Variants in ETFB observed in about 807,000 individuals in gnomAD.
The protein encoded by ETFB is beta-ETF.
A neutral mutation model predicts 25.6 loss-of-function variants in ETFB; 20 were observed. The ratio of observed to expected loss-of-function variants is 0.78; its 90% CI spans 0.55 to 1.14. The LOEUF is 1.14. Among genes scored for constraint, ETFB ranks in the 50% most tolerant of loss-of-function variants. The pLI, the probability that ETFB is intolerant of heterozygous loss-of-function variation, is 0.00. For synonymous variants in ETFB, 142 were observed against 146.7 expected (o/e 0.97, Z 0.23); for missense variants, 286 against 342.6 (o/e 0.83, Z 1.30).
At chr19:51,366,206 G>T in intron 1 of ETFB, 64 bp downstream of exon 1, 3 of 1,520,370 alleles carry the variant, frequency 2.0e-6, no homozygotes, top group African/African-American at 1.4e-5. Context: ...CCCAGTGTGC[G>T]CTCGTGGCCC....
intron 1 of ETFB, among the ~76,000 whole-genome samples, chr19:51,358,731 C>T (rs900286145): frequency 2.0e-5 from 3 of 152,078 alleles, no homozygotes; most frequent in Non-Finnish European, 4.4e-5. Flanking sequence ...ATTGCTTGAA[C>T]CCAGGAGGTG....
Position 51,353,294 on chromosome 19 carries a change from C to A in ETFB, c.217-4G>T, listed in dbSNP as rs149557388. On this transcript the variant is annotated splice_region_variant and splice_polypyrimidine_tract_variant and intron_variant, in intron 2 of 5. Coordinates refer to ENST00000309244, the MANE Select transcript of ETFB (RefSeq NM_001985.3). Reference sequence around the variant, plus strand: ...CCAGGGCGGTACGAATCGTCTCCTGCCAAGGACAGAGGGGCTTGACTTGGC... The same window carrying A: ...CCAGGGCGGTACGAATCGTCTCCTGACAAGGACAGAGGGGCTTGACTTGGC... The A allele has an allele frequency of 3.3e-4, 538 of 1,613,764 alleles. 15 individuals carry two copies. The East Asian group carries it at 0.01, about 30-fold the overall frequency.
At chr19:51,350,929 G>A (rs1004173612) in intron 3 of ETFB, among the ~76,000 whole-genome samples, 11 of 152,206 alleles carry the variant, frequency 7.2e-5, no homozygotes, top group African/African-American at 2.7e-4. Flanking sequence ...TTCCAATAAA[G>A]CTTTATTTAC....
chr19:51,352,615 T>TC, intron 3 of ETFB, among the ~76,000 whole-genome samples: 1 of 152,200 alleles, frequency 6.6e-6, no homozygotes, highest in South Asian at 2.1e-4. Flanking sequence ...GGATCTTTCT[T>TC]CTTTTTTTCT....
chr19:51,347,516 C>A (rs1014257741), intron 4 of ETFB: 3 of 196,298 alleles, frequency 1.5e-5, no homozygotes, highest in African/African-American at 7.0e-5. Flanking sequence ...TCCCAACGGC[C>A]CCCCGTGAGG....
chr19:51,359,580 GAC>G (rs142691724), intron 1 of ETFB, among the ~76,000 whole-genome samples: 1 of 150,552 alleles, frequency 6.6e-6, no homozygotes, highest in Non-Finnish European at 1.5e-5. Context: ...GAACTTTCCA[GAC>G]ACACACACAC....
At chr19:51,346,381 G>A (rs574612787) in intron 5 of ETFB, 1 of 166,916 alleles carries the variant, frequency 6.0e-6, no homozygotes, top group Non-Finnish European at 1.3e-5. Flanking sequence ...TGTTGGCTGA[G>A]ATGAATATTC....
intron 4 of ETFB, among the ~76,000 whole-genome samples, chr19:51,349,100 T>C (rs1487799844): frequency 6.6e-6 from 1 of 152,230 alleles, no homozygotes; most frequent in Non-Finnish European, 1.5e-5. Flanking sequence ...ATGGGATATT[T>C]AGCACTTTAT....
At position 51,354,254 on chromosome 19, in the gene ETFB, T is replaced by C. The variant is rs760800809; in HGVS notation, c.112A>G (p.Met38Val). Residue 38 changes from methionine (M) to valine (V), a missense_variant, in exon 2 of 6, where the codon ATG becomes GTG. Met to Val is a conservative substitution (Grantham distance 21, BLOSUM62 1). Transcript: ENST00000309244. The part of the protein sequence containing the change: ...GVVTDGVKHS[M>V]NPFCEIAVEE... ...ACCGCGATCTCACAGAAGGGGTTCA[T>C]GGAGTGCTTCACACCATCCGTGACC... 3.7e-6 allele frequency: 6 copies of C among 1,614,038 alleles called. No homozygotes were observed. Among genetic ancestry groups the C allele is most frequent in the Non-Finnish European group, 2.5e-6 (3 of 1,180,042 alleles).
intron 1 of ETFB, 56 bp downstream of exon 1, chr19:51,366,214 C>A: frequency 6.4e-7 from 1 of 1,554,458 alleles, no homozygotes; most frequent in Non-Finnish European, 8.9e-7. Flanking sequence ...GCGCTCGTGG[C>A]CCCGGAAGCA....
intron 1 of ETFB, among the ~76,000 whole-genome samples, chr19:51,360,397 T>C (rs1986190679): frequency 6.9e-6 from 1 of 145,444 alleles, no homozygotes; most frequent in Admixed American, 6.8e-5. Flanking sequence ...CCAGATTCTA[T>C]CTCAAAAAAA....
chr19:51,354,310 T>C lies in ETFB; in HGVS notation c.58-2A>G, dbSNP rs1189473901. 1 of 1,614,122 alleles carries C rather than the reference T, an allele frequency of 6.2e-7. No homozygotes were observed. The highest frequency in any genetic ancestry group is 2.2e-5 in the East Asian group (1 of 44,888). ...GGTCCTGTCAGGCTTCACTCGGATCTGCCCAGCAGGAGGGGAAGGGGTGGG... is the reference window on the plus strand; with the variant it reads ...GGTCCTGTCAGGCTTCACTCGGATCCGCCCAGCAGGAGGGGAAGGGGTGGG... On this transcript the variant is annotated splice_acceptor_variant, in intron 1 of 5. Coordinates refer to ENST00000309244, the MANE Select transcript of ETFB (RefSeq NM_001985.3). LOFTEE classifies it high-confidence loss of function.
chr19:51,361,621 A>G (rs1986229444), intron 1 of ETFB: 1 of 149,966 alleles, frequency 6.7e-6, no homozygotes, highest in Non-Finnish European at 1.5e-5. Context: ...CTGGGCCTGG[A>G]GTTTCTATCC....
At chr19:51,364,863 T>A (rs1986314612) in intron 1 of ETFB, among the ~76,000 whole-genome samples, 1 of 152,154 alleles carries the variant, frequency 6.6e-6, no homozygotes, top group African/African-American at 2.4e-5. Flanking sequence ...CTGACAGGCC[T>A]CAGTTTCCTC....
intron 1 of ETFB, chr19:51,356,047 CA>C (rs1986071781): frequency 1.3e-5 from 2 of 151,526 alleles, no homozygotes; most frequent in South Asian, 4.2e-4. Context: ...ACACATGTAA[CA>C]AACCTGTACG....
At chr19:51,364,470 C>T (rs1022730229) in intron 1 of ETFB, among the ~76,000 whole-genome samples, 1 of 152,190 alleles carries the variant, frequency 6.6e-6, no homozygotes, top group African/African-American at 2.4e-5. Context: ...ACACCAGAGA[C>T]ATCCATGTGC....
intron 3 of ETFB, 77 bp downstream of exon 3, chr19:51,353,055 T>C (rs1226307507): frequency 1.3e-6 from 2 of 1,584,098 alleles, no homozygotes; most frequent in Non-Finnish European, 1.7e-6. Flanking sequence ...CCAGCTGCTG[T>C]CTCACCCCGT....
chr19:51,347,070 C>T lies in ETFB; in HGVS notation c.439-12G>A, dbSNP rs1429442804. On this transcript the variant is annotated splice_polypyrimidine_tract_variant and intron_variant, in intron 4 of 5. Coordinates refer to ENST00000309244, the MANE Select transcript of ETFB (RefSeq NM_001985.3). ...GAGGCGAATGTGCCCTGGGGAGGGACAGTGTAGGAGGAGAGTGGGTGAGGC... is the reference window on the plus strand; with the variant it reads ...GAGGCGAATGTGCCCTGGGGAGGGATAGTGTAGGAGGAGAGTGGGTGAGGC... The T allele has an allele frequency of 1.2e-6, 2 of 1,613,858 alleles. No homozygotes were observed. Among genetic ancestry groups the T allele is most frequent in the Admixed American group, 3.3e-5 (2 of 60,004 alleles).
At chr19:51,354,349 A>T in intron 1 of ETFB, 41 bp from the exon 2 acceptor site, 2 of 1,613,898 alleles carry the variant, frequency 1.2e-6, no homozygotes, top group Non-Finnish European at 1.7e-6. Flanking sequence ...AGGAGGAAAC[A>T]GGCAAGAAGG....
Sources: gnomAD v4.1 joint callset for allele counts (sites outside exome capture counted in the v4.1 genomes callset) on GRCh38, gnomAD v4.1.1 for gene constraint, MANE v1.5 for transcripts, NCBI Gene and HGNC (gene_info 2026-07-23, HGNC 2026-07-21) for gene names.